Variants in PIAS1 observed in about 807,000 individuals in gnomAD.
PIAS1 encodes the protein E3 SUMO-protein ligase PIAS1.
In PIAS1, 6 loss-of-function variants were observed where a neutral mutation model predicts 71.3. That is an observed-to-expected ratio of 0.08 (90% CI 0.05 to 0.17). The LOEUF (loss-of-function observed/expected upper bound fraction) is 0.17. PIAS1 is among the 10% of genes least tolerant of loss of function. The pLI is 1.00. For synonymous variants in PIAS1, 303 were observed against 292.9 expected (o/e 1.03, Z -0.35); for missense variants, 555 against 793.6 (o/e 0.70, Z 3.61).
intron 2 of PIAS1, among the ~76,000 whole-genome samples, chr15:68,092,685 T>C (rs2092343055): frequency 1.3e-5 from 2 of 152,174 alleles, no homozygotes; most frequent in South Asian, 2.1e-4. Flanking sequence ...ATGCCTCTTA[T>C]AAAAGAGGCT....
chr15:68,158,231 C>T (rs2092903803), intron 7 of PIAS1, among the ~76,000 whole-genome samples: 1 of 152,174 alleles, frequency 6.6e-6, no homozygotes, highest in African/African-American at 2.4e-5. Flanking sequence ...TTAAACTTTC[C>T]ATGACGTGGC....
At chr15:68,108,542 T>C (rs2092492659) in intron 2 of PIAS1, among the ~76,000 whole-genome samples, 1 of 152,188 alleles carries the variant, frequency 6.6e-6, no homozygotes, top group Non-Finnish European at 1.5e-5. Flanking sequence ...AATTAAACAC[T>C]GAGGACCCTA....
rs759568509 is a variant in PIAS1, at chr15:68,145,857, T to A, written c.644T>A (p.Phe215Tyr). 1.1e-5 allele frequency: 17 copies of A among 1,612,082 alleles called. No individual in the cohort carries two copies. Among genetic ancestry groups the A allele is most frequent in the Non-Finnish European group, 1.4e-5 (16 of 1,178,448 alleles). The change falls in exon 5 of 14, where the codon TTC becomes TAC. Residue 215 changes from phenylalanine (F) to tyrosine (Y), a missense_variant. By Grantham distance (22) the Phe-to-Tyr change is conservative. Around this residue, in one of 5 missense-constraint regions of PIAS1, gnomAD observed 134 missense variants for 203.4 expected, o/e 0.66. Coordinates refer to ENST00000249636, the MANE Select transcript of PIAS1 (RefSeq NM_016166.3). Reference sequence around the variant, plus strand: ...ACCAGTTGTCCACAAGAAGATCACTTCCCACCCAATCTTTGTGTGAAAGTG... The same window carrying A: ...ACCAGTTGTCCACAAGAAGATCACTACCCACCCAATCTTTGTGTGAAAGTG... ...SETSCPQEDH[F>Y]PPNLCVKVNT... is the part of the protein sequence containing the mutation.
chr15:68,105,260 CT>C (rs1159299439), intron 2 of PIAS1, among the ~76,000 whole-genome samples: 1 of 152,134 alleles, frequency 6.6e-6, no homozygotes, highest in Non-Finnish European at 1.5e-5. Context: ...TATATTTTTA[CT>C]TCAGAAGTTT....
intron 1 of PIAS1, among the ~76,000 whole-genome samples, chr15:68,066,888 TTA>T (rs1319176764): frequency 3.9e-5 from 6 of 152,212 alleles, no homozygotes; most frequent in African/African-American, 1.2e-4. Context: ...ACCTCTGAAT[TTA>T]GATAGTCCCA....
chr15:68,073,870 G>A (rs2092128181), intron 1 of PIAS1, among the ~76,000 whole-genome samples: 1 of 152,180 alleles, frequency 6.6e-6, no homozygotes, highest in South Asian at 2.1e-4. Flanking sequence ...TAATATTGGA[G>A]GCAGGGAGAA....
chr15:68,166,715 G>A (rs776965189), intron 8 of PIAS1, among the ~76,000 whole-genome samples: 5 of 152,204 alleles, frequency 3.3e-5, no homozygotes, highest in Non-Finnish European at 7.3e-5. Context: ...AATAAGCACA[G>A]TAATATAAAT....
chr15:68,092,177 T>G (rs2092337300), intron 2 of PIAS1, among the ~76,000 whole-genome samples: 1 of 152,142 alleles, frequency 6.6e-6, no homozygotes, highest in Admixed American at 6.5e-5. Flanking sequence ...TTACTTATTT[T>G]TTTTCTTTTT....
chr15:68,061,461 T>C (rs529441121), intron 1 of PIAS1: 1 of 152,356 alleles, frequency 6.6e-6, no homozygotes, highest in African/African-American at 2.4e-5. Flanking sequence ...TAAGTCTTCA[T>C]TCTTAGCTAT....
intron 1 of PIAS1, among the ~76,000 whole-genome samples, chr15:68,066,465 T>C (rs1026098988): frequency 2.0e-5 from 3 of 152,216 alleles, no homozygotes; most frequent in Admixed American, 1.3e-4. Flanking sequence ...AAAAATTCCC[T>C]AACTTAATAT....
intron 2 of PIAS1, among the ~76,000 whole-genome samples, chr15:68,135,090 G>A (rs1455888497): frequency 1.3e-4 from 6 of 46,712 alleles, no homozygotes; most frequent in East Asian, 5.6e-4. Context: ...CTGGCCGGGC[G>A]GGGGGCTGAC....
intron 7 of PIAS1, among the ~76,000 whole-genome samples, chr15:68,157,051 G>A (rs2092895183): frequency 6.6e-6 from 1 of 152,188 alleles, no homozygotes; most frequent in South Asian, 2.1e-4. Flanking sequence ...CTGTGTGTGT[G>A]GAGTGATGAG....
chr15:68,123,539 T>G (rs533179307), intron 2 of PIAS1, among the ~76,000 whole-genome samples: 1 of 152,306 alleles, frequency 6.6e-6, no homozygotes, highest in South Asian at 2.1e-4. Flanking sequence ...GTTAGTAGAT[T>G]AAGAAACAAC....
intron 1 of PIAS1, among the ~76,000 whole-genome samples, chr15:68,070,274 G>C (rs1271781558): frequency 2.6e-5 from 4 of 152,192 alleles, no homozygotes; most frequent in Admixed American, 6.5e-5. Flanking sequence ...GAAATGTTTA[G>C]GGGCTAATGG....
chr15:68,175,086 T>C (rs750533939), intron 9 of PIAS1, among the ~76,000 whole-genome samples: 9 of 152,234 alleles, frequency 5.9e-5, no homozygotes, highest in Non-Finnish European at 1.3e-4. Context: ...CTTTCCATAA[T>C]TGTGATTGTA....
intron 1 of PIAS1, among the ~76,000 whole-genome samples, chr15:68,076,641 G>A (rs962697182): frequency 4.6e-5 from 7 of 152,126 alleles, no homozygotes; most frequent in Non-Finnish European, 8.8e-5. Context: ...GATATGCTCA[G>A]GGCCCTAGAG....
intron 7 of PIAS1, among the ~76,000 whole-genome samples, chr15:68,156,744 AGC>A (rs2092892762): frequency 6.7e-6 from 1 of 149,578 alleles, no homozygotes; most frequent in Non-Finnish European, 1.5e-5. Context: ...AGAGAGAGAG[AGC>A]GCCAAGAAGG....
intron 2 of PIAS1, among the ~76,000 whole-genome samples, chr15:68,105,023 G>A (rs1303969033): frequency 6.6e-6 from 1 of 152,126 alleles, no homozygotes; most frequent in African/African-American, 2.4e-5. Context: ...TCAACTCAGG[G>A]TAGGTGGGTT....
Position 68,178,458 on chromosome 15 carries a change from A to G in PIAS1, c.1481+1804A>G, listed in dbSNP as rs937452794. Among the ~76,000 whole-genome samples, 2 of 152,238 alleles carry G rather than the reference A, an allele frequency of 1.3e-5. No individual in the cohort carries two copies. The highest frequency in any genetic ancestry group is 2.9e-5 in the Non-Finnish European group (2 of 68,048). On this transcript the variant is annotated intron_variant, in intron 11 of 13. Transcript: ENST00000249636. This position sits in a 1 kb window ranked among gnomAD's most constrained non-coding sequence, Gnocchi z 4.2. ...CTGATAAAAGCCTATCTTGATGGCT[A>G]TAACCCAGCAAGCCTGACCTTGTTA...
Sources: gnomAD v4.1 joint callset for allele counts (sites outside exome capture counted in the v4.1 genomes callset) on GRCh38, gnomAD v4.1.1 for gene constraint, gnomAD v4.1.1 regional missense constraint, Gnocchi (gnomAD v3.1) non-coding constraint, MANE v1.5 for transcripts, NCBI Gene and HGNC (gene_info 2026-07-23, HGNC 2026-07-21) for gene names.